The following SFXN1 variants were observed in gnomAD, a reference collection of about 807,000 sequenced individuals.
SFXN1 encodes sideroflexin 1.
Under a neutral mutation model 39.5 loss-of-function variants are expected in SFXN1, and 32 were observed. The ratio of observed to expected loss-of-function variants is 0.81; its 90% confidence interval spans 0.61 to 1.09. The LOEUF (loss-of-function observed/expected upper bound fraction) is 1.09. Ranked by LOEUF, SFXN1 falls within the 50% of genes least tolerant of loss-of-function variation. SFXN1 has a pLI of 0.00. For missense variants in SFXN1, 402 were observed against 407.1 expected (o/e 0.99, Z 0.11); for synonymous variants, 136 against 146.5 (o/e 0.93, Z 0.52).
chr5:175,506,479 C>A lies in SFXN1; in HGVS notation c.165-2553C>A, dbSNP rs143274879. Among the ~76,000 whole-genome samples the A allele has an allele frequency of 3.0e-3, 463 of 152,304 alleles. 4 individuals are homozygous for A. The highest frequency in any genetic ancestry group is 0.011 in the African/African-American group (443 of 41,572). On this transcript the variant is annotated intron_variant, in intron 2 of 10. Transcript: ENST00000321442. ...TAGCTTTTGTTCCAGCATATTTACT[C>A]ATTTCTTTCAGAATAATCTTGGATG... is the stretch of plus-strand genomic sequence containing the variant.
At chr5:175,504,294 G>T (rs1045357985) in intron 2 of SFXN1, among the ~76,000 whole-genome samples, 3 of 151,934 alleles carry the variant, frequency 2.0e-5, no homozygotes, top group African/African-American at 7.3e-5. Context: ...AGAATACTCG[G>T]CCAGGCGAGG....
At chr5:175,488,500 C>T (rs113644940) in intron 1 of SFXN1, among the ~76,000 whole-genome samples, 7,686 of 152,190 alleles carry the variant, frequency 0.051, 284 homozygotes, top group East Asian at 0.15. Context: ...CAGGGTTTCT[C>T]CATGTTGAGG....
intron 10 of SFXN1, among the ~76,000 whole-genome samples, chr5:175,525,131 T>A (rs1761019475): frequency 6.6e-6 from 1 of 152,210 alleles, no homozygotes; most frequent in Admixed American, 6.5e-5. Context: ...CTCCCCATCA[T>A]CCACCAAGGT....
chr5:175,524,652 A>AAAAGCAG (rs1761006698), intron 10 of SFXN1, among the ~76,000 whole-genome samples: 1 of 151,956 alleles, frequency 6.6e-6, no homozygotes, highest in Admixed American at 6.6e-5. Flanking sequence ...TAAACATCAG[A>AAAAGCAG]AAAGAAGGAA....
chr5:175,511,716 C>T, intron 5 of SFXN1, 190 bp downstream of exon 5: 1 of 602,044 alleles, frequency 1.7e-6, no homozygotes, highest in Non-Finnish European at 2.9e-6. Flanking sequence ...TAACACCTAC[C>T]AGGACTGTGG....
At chr5:175,522,668 T>G (rs1281144576) in intron 10 of SFXN1, 4 of 428,576 alleles carry the variant, frequency 9.3e-6, no homozygotes, top group East Asian at 7.7e-5. Flanking sequence ...TTTGTGAGAA[T>G]CAGATTAACT....
intron 7 of SFXN1, among the ~76,000 whole-genome samples, chr5:175,514,933 C>T (rs890258818): frequency 4.6e-5 from 7 of 152,200 alleles, no homozygotes; most frequent in South Asian, 2.1e-4. Context: ...GAGCCCACCC[C>T]GGTGTTCCTA....
At chr5:175,515,255 A>G (rs1014251304) in intron 7 of SFXN1, among the ~76,000 whole-genome samples, 3 of 151,980 alleles carry the variant, frequency 2.0e-5, no homozygotes, top group Non-Finnish European at 2.9e-5. Context: ...GGCTCAAATG[A>G]TCCACCCACC....
intron 7 of SFXN1, among the ~76,000 whole-genome samples, chr5:175,513,917 C>T (rs527997341): frequency 6.5e-4 from 99 of 151,234 alleles, no homozygotes; most frequent in African/African-American, 2.1e-3. Context: ...ACAGGCATTA[C>T]GGGTGCAGGT....
chr5:175,508,800 G>T (rs1436483761), intron 2 of SFXN1, among the ~76,000 whole-genome samples: 1 of 151,974 alleles, frequency 6.6e-6, no homozygotes, highest in African/African-American at 2.4e-5. Context: ...ACCGCACCCG[G>T]CTAATTTTTG....
rs148194991 is a variant in SFXN1, at chr5:175,487,833, C to T, written c.-9-4262C>T. On this transcript the variant is annotated intron_variant, in intron 1 of 10. Coordinates refer to ENST00000321442, the MANE Select transcript of SFXN1 (RefSeq NM_022754.7). ...TCCTGTCTTCTCCCTCGGCCCTCTCCACCTCCAGTTTTTCCAACTAAATAC... is the reference window on the plus strand; with the variant it reads ...TCCTGTCTTCTCCCTCGGCCCTCTCTACCTCCAGTTTTTCCAACTAAATAC... Among the ~76,000 whole-genome samples, 290 of 152,254 alleles carry T rather than the reference C, an allele frequency of 1.9e-3. 10 individuals carry two copies. In the East Asian group the frequency reaches 0.043, roughly 22 times the overall value.
Position 175,528,738 on chromosome 5 carries a change from A to C in SFXN1, c.*2004A>C, listed in dbSNP as rs933997321. ...TTTTCTGTCTTAAACCATTGGAAGC[A>C]AAACGGTTTTCCCATGACATTCTGG... On this transcript the variant is annotated 3_prime_UTR_variant, in exon 11 of 11. Transcript: ENST00000321442. 9 of 152,210 alleles carry C rather than the reference A, an allele frequency of 5.9e-5. No homozygotes were observed. Among genetic ancestry groups the C allele is most frequent in the African/African-American group, 2.2e-4 (9 of 41,436 alleles). The allele number at this position is 152,210 out of a possible 1,614,324, so 9.4% of individuals were successfully genotyped here.
chr5:175,493,216 C>T (rs11134926), intron 2 of SFXN1, among the ~76,000 whole-genome samples: 4 of 151,776 alleles, frequency 2.6e-5, no homozygotes, highest in Non-Finnish European at 5.9e-5. Flanking sequence ...TCGTGCCACT[C>T]GCCACTGCAC....
At chr5:175,522,607 C>T (rs1177279073) in intron 10 of SFXN1, 185 bp downstream of exon 10, 1 of 525,206 alleles carries the variant, frequency 1.9e-6, no homozygotes, top group South Asian at 3.0e-5. Context: ...ATTTCAGATG[C>T]ACCCAGCTCT....
rs1761069848 is a variant in SFXN1, at chr5:175,526,667, A to G, written c.902A>G (p.Glu301Gly). The change falls in exon 11 of 11, where the codon GAG (glutamate) becomes GGG (glycine). Residue 301 changes from glutamate (E) to glycine (G), a missense_variant. By Grantham distance (98) the Glu-to-Gly change is moderately conservative. Coordinates refer to ENST00000321442, the MANE Select transcript of SFXN1 (RefSeq NM_022754.7). ...ATGTCTGTGACAAGCTTGGAGGCCG[A>G]GTTGCAAGCTAAGATCCAAGAGAGC... The part of the protein sequence containing the change: ...SSMSVTSLEA[E>G]LQAKIQESHP... 1.9e-6 allele frequency: 3 copies of G among 1,614,192 alleles called. No homozygotes were observed. Among genetic ancestry groups the G allele is most frequent in the Middle Eastern group, 1.6e-4 (1 of 6,062 alleles).
chr5:175,481,353 G>T (rs1447601710), intron 1 of SFXN1, among the ~76,000 whole-genome samples: 1 of 152,100 alleles, frequency 6.6e-6, no homozygotes, highest in Non-Finnish European at 1.5e-5. Flanking sequence ...ATGGAGTCTC[G>T]CTCTGTTGCC....
intron 8 of SFXN1, among the ~76,000 whole-genome samples, chr5:175,517,248 A>G (rs1760739282): frequency 6.6e-6 from 1 of 152,190 alleles, no homozygotes; most frequent in African/African-American, 2.4e-5. Context: ...TTACACAATG[A>G]TAAGATGAAT....
chr5:175,487,260 A>G (rs966172376), intron 1 of SFXN1, among the ~76,000 whole-genome samples: 1 of 152,196 alleles, frequency 6.6e-6, no homozygotes, highest in Non-Finnish European at 1.5e-5. Context: ...TTGTCTTTAT[A>G]AGAAGCTCTC....
At chr5:175,525,185 A>G (rs1377204583) in intron 10 of SFXN1, among the ~76,000 whole-genome samples, 2 of 152,222 alleles carry the variant, frequency 1.3e-5, no homozygotes, top group Non-Finnish European at 2.9e-5. Flanking sequence ...CCTTTAACAT[A>G]CATTCATAGT....
Sources: allele counts gnomAD v4.1 joint callset (sites outside exome capture counted in the v4.1 genomes callset), GRCh38; gene constraint gnomAD v4.1.1; transcripts MANE v1.5; gene names NCBI Gene and HGNC (gene_info 2026-07-23, HGNC 2026-07-21).